The following AXIN1 variants were observed in gnomAD, a reference collection of about 807,000 sequenced individuals.
AXIN1 encodes the protein axin-1.
AXIN1 carries 30 observed loss-of-function variants against 76.4 expected under a neutral mutation model. That is an observed-to-expected ratio of 0.39 (90% CI 0.29 to 0.53). The LOEUF is 0.53. AXIN1 is among the 20% of genes least tolerant of loss of function. The pLI is 0.66. For synonymous variants in AXIN1, 545 were observed against 501.4 expected (o/e 1.09, Z -1.16); for missense variants, 1,140 against 1,198.8 (o/e 0.95, Z 0.72).
At chr16:315,234 CTT>C (rs1479082207) in intron 2 of AXIN1, among the ~76,000 whole-genome samples, 7 of 152,234 alleles carry the variant, frequency 4.6e-5, no homozygotes, top group Admixed American at 1.3e-4. Flanking sequence ...TTCACCTCCT[CTT>C]GTTACTGCAA....
chr16:320,174 G>A (rs1354027429), intron 2 of AXIN1, among the ~76,000 whole-genome samples: 3 of 152,090 alleles, frequency 2.0e-5, no homozygotes, highest in African/African-American at 7.2e-5. Context: ...AGCTTCCCAG[G>A]TAGGTGGGAC....
intron 5 of AXIN1, among the ~76,000 whole-genome samples, chr16:299,485 T>TG (rs2052809558): frequency 6.6e-6 from 1 of 151,384 alleles, no homozygotes; most frequent in Non-Finnish European, 1.5e-5. Flanking sequence ...ACCGAGTAGC[T>TG]GGGATTATAG....
At position 304,403 on chromosome 16, in the gene AXIN1, A is replaced by T. The variant is rs771866480; in HGVS notation, c.1155T>A (p.Pro385=). 4 of 1,612,540 alleles carry T rather than the reference A, an allele frequency of 2.5e-6. No individual in the cohort carries two copies. Among genetic ancestry groups the T allele is most frequent in the Non-Finnish European group, 3.4e-6 (4 of 1,179,950 alleles). The change falls in exon 5 of 11, where the codon CCT becomes CCA. Residue 385 remains proline, a synonymous_variant. Transcript: ENST00000262320. ...YRVPKEVRVE[P]QKFAEELIHR... is the part of the protein sequence containing the mutation. ...GGATGAGCTCCTCCGCGAACTTCTG[A>T]GGCTCCACGCGGACCTCCTTCGGCA... is the stretch of plus-strand genomic sequence containing the variant.
intron 1 of AXIN1, among the ~76,000 whole-genome samples, chr16:351,574 C>A (rs1363371789): frequency 6.6e-6 from 1 of 151,812 alleles, no homozygotes; most frequent in Non-Finnish European, 1.5e-5. Flanking sequence ...AGCGCCACTG[C>A]ACTCCAGCCT....
chr16:310,709 T>C (rs779384977), intron 3 of AXIN1, among the ~76,000 whole-genome samples: 39 of 152,166 alleles, frequency 2.6e-4, no homozygotes, highest in Non-Finnish European at 5.0e-4. Context: ...CCAAGGTTTC[T>C]ACATTTTTAA....
chr16:303,859 G>A (rs2052942210), intron 5 of AXIN1, among the ~76,000 whole-genome samples: 1 of 152,198 alleles, frequency 6.6e-6, no homozygotes, highest in Non-Finnish European at 1.5e-5. Flanking sequence ...AACCAAAAGT[G>A]ACCAGGAGGT....
intron 2 of AXIN1, among the ~76,000 whole-genome samples, chr16:329,782 C>T (rs1303097329): frequency 1.3e-5 from 2 of 150,438 alleles, no homozygotes. Flanking sequence ...AGCCACCTTG[C>T]CCGGCTATTT....
intron 2 of AXIN1, among the ~76,000 whole-genome samples, chr16:325,979 C>T (rs570075404): frequency 2.6e-5 from 4 of 152,142 alleles, no homozygotes; most frequent in Admixed American, 6.6e-5. Flanking sequence ...TGGTTCACAC[C>T]GGCATGGAGA....
intron 2 of AXIN1, among the ~76,000 whole-genome samples, chr16:329,681 T>C (rs1454482879): frequency 6.6e-6 from 1 of 152,098 alleles, no homozygotes; most frequent in African/African-American, 2.4e-5. Flanking sequence ...TGGAGTGCAG[T>C]GGCGCAGTCT....
rs1159384903 is a variant in AXIN1, at chr16:346,780, G to A, written c.246C>T (p.Tyr82=). 2 of 1,611,420 alleles carry A rather than the reference G, an allele frequency of 1.2e-6. No homozygotes were observed. The highest frequency in any genetic ancestry group is 1.3e-5 in the African/African-American group (1 of 74,900). ...PEGSASPTPP[Y]LKWAESLHSL... is the part of the protein sequence containing the mutation. ...AATGCAGTGACTCAGCCCACTTCAA[G>A]TATGGTGGGGTGGGGGAGGCACTGC... Residue 82 remains tyrosine (Y), a synonymous_variant, in exon 2 of 11, where the codon TAC becomes TAT. Coordinates refer to ENST00000262320, the MANE Select transcript of AXIN1 (RefSeq NM_003502.4).
intron 2 of AXIN1, among the ~76,000 whole-genome samples, chr16:336,775 C>CCACTG: frequency 6.8e-6 from 1 of 147,574 alleles, no homozygotes. Context: ...TGAGGTTGCA[C>CCACTG]CACTGCACTC....
chr16:306,221 G>A (rs558404957), intron 4 of AXIN1, among the ~76,000 whole-genome samples: 1 of 152,212 alleles, frequency 6.6e-6, no homozygotes, highest in South Asian at 2.1e-4. Context: ...CAGTTAGAGT[G>A]TATTTAACAA....
chr16:331,846 C>A (rs1393987966), intron 2 of AXIN1, among the ~76,000 whole-genome samples: 1 of 152,190 alleles, frequency 6.6e-6, no homozygotes, highest in Non-Finnish European at 1.5e-5. Context: ...ACTTACGTCA[C>A]CCTCAGATCT....
chr16:293,824 G>A lies in AXIN1; in HGVS notation c.1956-106C>T. ...GGGCAGCCTCCTTGAGGGATAGGAT[G>A]GGATGGGGCACTGGGGCCTGGCCAC... On this transcript the variant is annotated intron_variant, in intron 7 of 10. Transcript: ENST00000262320. The surrounding 1 kb of genome is among the most constrained non-coding windows in gnomAD (Gnocchi z 4.6). 1.8e-6 allele frequency: 2 copies of A among 1,127,674 alleles called. No individual in the cohort carries two copies. The highest frequency in any genetic ancestry group is 2.7e-6 in the Non-Finnish European group (2 of 752,212). 69.9% of individuals were successfully genotyped at this position (1,127,674 alleles called of 1,614,324 possible).
intron 4 of AXIN1, among the ~76,000 whole-genome samples, chr16:306,629 C>T (rs1193408778): frequency 6.6e-6 from 1 of 152,248 alleles, no homozygotes; most frequent in Non-Finnish European, 1.5e-5. Flanking sequence ...AAGGCCTCCT[C>T]CAGGCTCAGA....
chr16:303,552 T>C (rs963901714), intron 5 of AXIN1, among the ~76,000 whole-genome samples: 2 of 152,062 alleles, frequency 1.3e-5, no homozygotes, highest in African/African-American at 2.4e-5. Context: ...GGCTAATTTT[T>C]GTATTTTTCA....
chr16:312,111 T>C (rs1366013428), intron 3 of AXIN1, among the ~76,000 whole-genome samples: 1 of 152,186 alleles, frequency 6.6e-6, no homozygotes, highest in African/African-American at 2.4e-5. Context: ...ACATGATACT[T>C]GGATTGGGTA....
chr16:321,381 G>C (rs750902164), intron 2 of AXIN1, among the ~76,000 whole-genome samples: 1 of 152,222 alleles, frequency 6.6e-6, no homozygotes, highest in Non-Finnish European at 1.5e-5. Flanking sequence ...GCTCTGCATA[G>C]CACGTGCCCC....
At chr16:345,922 CAT>C (rs1477771763) in intron 2 of AXIN1, among the ~76,000 whole-genome samples, 3 of 152,192 alleles carry the variant, frequency 2.0e-5, no homozygotes, top group African/African-American at 7.2e-5. Flanking sequence ...CTCATAAAGT[CAT>C]ATATTTTAGT....
Sources: allele counts gnomAD v4.1 joint callset (sites outside exome capture counted in the v4.1 genomes callset), GRCh38; gene constraint gnomAD v4.1.1; non-coding constraint Gnocchi (gnomAD v3.1); transcripts MANE v1.5; gene names NCBI Gene and HGNC (gene_info 2026-07-23, HGNC 2026-07-21).